STPG2: variants seen among roughly 807,000 people sequenced by gnomAD.
The protein encoded by STPG2 is sperm-tail PG-rich repeat-containing protein 2.
Under a neutral mutation model 54.2 loss-of-function variants are expected in STPG2, and 56 were observed. The observed-to-expected ratio is 1.03, with a 90% CI of 0.83 to 1.29. The LOEUF is 1.29. Ranked by LOEUF, STPG2 falls within the 50% of genes most tolerant of loss-of-function variation. The pLI is 0.00. For missense variants in STPG2, 596 were observed against 544.9 expected, an observed-to-expected ratio of 1.09 and a Z score of -0.93; for synonymous variants, 200 against 181.8, an observed-to-expected ratio of 1.10 and a Z score of -0.81.
At chr4:98,007,149 T>A (rs1220645272) in intron 5 of STPG2, among the ~76,000 whole-genome samples, 1 of 152,174 alleles carries the variant, frequency 6.6e-6, no homozygotes, top group Non-Finnish European at 1.5e-5. Context: ...GAGTGCTTTT[T>A]CTGATAAACA....
At chr4:97,763,316 T>C (rs1022920857) in intron 9 of STPG2, among the ~76,000 whole-genome samples, 20 of 152,244 alleles carry the variant, frequency 1.3e-4, no homozygotes, top group Admixed American at 1.1e-3. Context: ...GCCCTAACCT[T>C]GCACCTTGGA....
At chr4:98,067,520 G>T (rs1737871064) in intron 5 of STPG2, among the ~76,000 whole-genome samples, 2 of 152,116 alleles carry the variant, frequency 1.3e-5, no homozygotes, top group South Asian at 2.1e-4. Flanking sequence ...ACTAAAATAA[G>T]TTAATGTCTT....
At chr4:97,559,413 C>T (rs964209985) in intron 10 of STPG2, among the ~76,000 whole-genome samples, 5 of 152,026 alleles carry the variant, frequency 3.3e-5, no homozygotes, top group African/African-American at 1.2e-4. Context: ...TTGTCTAGGC[C>T]CACACATGTA....
At chr4:97,805,701 C>A (rs1055479983) in intron 9 of STPG2, among the ~76,000 whole-genome samples, 2 of 151,950 alleles carry the variant, frequency 1.3e-5, no homozygotes, top group Non-Finnish European at 2.9e-5. Context: ...TGAAACTTTT[C>A]TCCCATTCTG....
intron 9 of STPG2, among the ~76,000 whole-genome samples, chr4:97,745,140 T>A (rs1299175142): frequency 6.6e-6 from 1 of 150,998 alleles, no homozygotes; most frequent in Non-Finnish European, 1.5e-5. Flanking sequence ...ATGGTATAAA[T>A]TACGAACTTG....
At chr4:97,880,766 G>A (rs1375483924) in intron 8 of STPG2, among the ~76,000 whole-genome samples, 1 of 152,038 alleles carries the variant, frequency 6.6e-6, no homozygotes, top group Middle Eastern at 3.4e-3. Flanking sequence ...CCTTCAAGGA[G>A]AAAGGGAATA....
intron 10 of STPG2, among the ~76,000 whole-genome samples, chr4:97,611,194 T>C (rs1335973186): frequency 1.3e-5 from 2 of 151,900 alleles, no homozygotes; most frequent in Non-Finnish European, 2.9e-5. Context: ...ATTCATTCTG[T>C]GTTACCTACT....
intron 7 of STPG2, among the ~76,000 whole-genome samples, chr4:97,951,523 T>A (rs541758779): frequency 6.6e-6 from 1 of 152,304 alleles, no homozygotes; most frequent in African/African-American, 2.4e-5. Context: ...CCCTTAAGAC[T>A]GTGACTTTAA....
chr4:97,988,285 T>C (rs1734889306), intron 5 of STPG2, among the ~76,000 whole-genome samples: 1 of 152,152 alleles, frequency 6.6e-6, no homozygotes, highest in South Asian at 2.1e-4. Context: ...AATCTAAAAT[T>C]TCATTACCAC....
intron 4 of STPG2, among the ~76,000 whole-genome samples, chr4:97,510,508 T>A (rs190313672): frequency 6.6e-6 from 1 of 152,230 alleles, no homozygotes; most frequent in African/African-American, 2.4e-5. Context: ...ATCACAGATA[T>A]AATGCTGGGG....
intron 8 of STPG2, among the ~76,000 whole-genome samples, chr4:97,915,433 T>A (rs544241079): frequency 6.6e-6 from 1 of 152,260 alleles, no homozygotes; most frequent in Non-Finnish European, 1.5e-5. Flanking sequence ...CCTCCAAAGC[T>A]GGGATTTAAA....
At chr4:97,451,588 A>G (rs148201159) in intron 4 of STPG2, among the ~76,000 whole-genome samples, 9 of 152,320 alleles carry the variant, frequency 5.9e-5, no homozygotes, top group East Asian at 1.9e-4. Flanking sequence ...AAGAGAGATA[A>G]ATAACATAGT....
At chr4:97,511,663 A>C (rs1374670766) in intron 4 of STPG2, among the ~76,000 whole-genome samples, 2 of 152,148 alleles carry the variant, frequency 1.3e-5, no homozygotes, top group African/African-American at 4.8e-5. Flanking sequence ...ATACCTGCAG[A>C]ATAAAAATTA....
At chr4:98,100,503 G>C (rs1488982108) in intron 5 of STPG2, among the ~76,000 whole-genome samples, 1 of 151,940 alleles carries the variant, frequency 6.6e-6, no homozygotes, top group African/African-American at 2.4e-5. Context: ...AGCATTCCAA[G>C]ACAATTTCAA....
chr4:97,783,259 G>T (rs915050133), intron 9 of STPG2, among the ~76,000 whole-genome samples: 1 of 152,152 alleles, frequency 6.6e-6, no homozygotes, highest in Admixed American at 6.5e-5. Flanking sequence ...TCAAAAAGTG[G>T]CCAAAGGATA....
At chr4:97,908,878 G>C (rs890312065) in intron 8 of STPG2, among the ~76,000 whole-genome samples, 3 of 146,906 alleles carry the variant, frequency 2.0e-5, no homozygotes, top group Non-Finnish European at 4.5e-5. Flanking sequence ...GGTTGGGGGA[G>C]GGGGGAGGGA....
rs1738876534 is a variant in STPG2 at position 98,096,905 on chromosome 4, A to G, written c.612+9048T>C. Among the ~76,000 whole-genome samples, 3 of 152,180 alleles carry G rather than the reference A, an allele frequency of 2.0e-5. No individual in the cohort carries two copies. In the South Asian group the frequency reaches 6.2e-4, roughly 31 times the overall value. ...GAAATGAATAAATTCCTAGACACATACAACCTACCAAGGTTAACCCACAAA... is the reference window on the plus strand; with the variant it reads ...GAAATGAATAAATTCCTAGACACATGCAACCTACCAAGGTTAACCCACAAA... On this transcript the variant is annotated intron_variant, in intron 5 of 10. Transcript: ENST00000295268.
Position 98,105,965 on chromosome 4 carries a change from CT to C in STPG2, c.599del (p.Gln200ArgfsTer10). 2 of 1,566,794 alleles carry C rather than the reference CT, an allele frequency of 1.3e-6. No individual in the cohort carries two copies. The highest frequency in any genetic ancestry group is 1.7e-6 in the Non-Finnish European group (2 of 1,145,530). ...IPRLYEIIVL[Q>X]EKKKRFLPMK... ...CTTTTCAACTTACCTTTTTTTTCTC[CT>C]GCAATACTATTATTTCATATAGTCG... On this transcript the variant is annotated frameshift_variant, in exon 5 of 11. Coordinates refer to ENST00000295268, the MANE Select transcript of STPG2 (RefSeq NM_174952.3). LOFTEE classifies it high-confidence loss of function.
At chr4:97,762,698 A>G (rs1401496156) in intron 9 of STPG2, among the ~76,000 whole-genome samples, 1 of 152,186 alleles carries the variant, frequency 6.6e-6, no homozygotes, top group Non-Finnish European at 1.5e-5. Context: ...AGTATTCCAA[A>G]TTAGAAGCAA....
Sources: gnomAD v4.1 joint callset for allele counts (sites outside exome capture counted in the v4.1 genomes callset) on GRCh38, gnomAD v4.1.1 for gene constraint, MANE v1.5 for transcripts, NCBI Gene and HGNC (gene_info 2026-07-23, HGNC 2026-07-21) for gene names.